Variants in ERC1 observed in about 807,000 individuals in gnomAD.
The protein encoded by ERC1 is ELKS/RAB6-interacting/CAST family member 1.
Under a neutral mutation model 132.0 loss-of-function variants are expected in ERC1, and 56 were observed. That is an observed-to-expected ratio of 0.42 (90% CI 0.34 to 0.53). The LOEUF (loss-of-function observed/expected upper bound fraction) is 0.53. Among genes scored for constraint, ERC1 ranks in the 20% least tolerant of loss-of-function variants. The pLI is 0.03. For synonymous variants in ERC1, 478 were observed against 476.1 expected, an observed-to-expected ratio of 1.00 and a Z score of -0.05; for missense variants, 1,202 against 1,349.9, an observed-to-expected ratio of 0.89 and a Z score of 1.72.
chr12:1,101,084 G>A (rs2154197586), intron 3 of ERC1, among the ~76,000 whole-genome samples: 2 of 152,232 alleles, frequency 1.3e-5, no homozygotes, highest in Admixed American at 1.3e-4. Context: ...ATGGGTGCTA[G>A]CAATGTGGAG....
intron 2 of ERC1, among the ~76,000 whole-genome samples, chr12:1,050,759 A>G (rs554889512): frequency 6.6e-6 from 1 of 152,204 alleles, no homozygotes; most frequent in South Asian, 2.1e-4. Flanking sequence ...CAGGCCGAGC[A>G]CTTTGGGAGG....
intron 3 of ERC1, among the ~76,000 whole-genome samples, chr12:1,103,361 T>G (rs1279642888): frequency 2.6e-5 from 4 of 152,118 alleles, no homozygotes; most frequent in Non-Finnish European, 5.9e-5. Context: ...GGGCTCTAGT[T>G]GGAGTCGAAT....
At chr12:1,204,499 A>G in intron 12 of ERC1, 3 of 1,589,682 alleles carry the variant, frequency 1.9e-6, no homozygotes, top group Non-Finnish European at 2.6e-6. Context: ...TGTTTCCTTC[A>G]GTCTCACCTC....
At chr12:1,227,240 CCCA>C (rs772530437) in intron 12 of ERC1, among the ~76,000 whole-genome samples, 1 of 152,196 alleles carries the variant, frequency 6.6e-6, no homozygotes, top group Non-Finnish European at 1.5e-5. Context: ...AGTTTACACT[CCCA>C]CCAACAGTGT....
chr12:1,127,448 A>G (rs1032538387), intron 7 of ERC1, among the ~76,000 whole-genome samples: 2 of 152,200 alleles, frequency 1.3e-5, no homozygotes, highest in African/African-American at 4.8e-5. Context: ...AATACTGTAC[A>G]AAAGTCAAAA....
chr12:1,265,625 C>T (rs1566430817), intron 14 of ERC1, among the ~76,000 whole-genome samples: 1 of 152,126 alleles, frequency 6.6e-6, no homozygotes, highest in East Asian at 1.9e-4. Context: ...ACGCACAGTC[C>T]CGTGAGTTTT....
At chr12:1,278,836 C>T (rs1321294868) in intron 14 of ERC1, among the ~76,000 whole-genome samples, 1 of 152,014 alleles carries the variant, frequency 6.6e-6, no homozygotes, top group Admixed American at 6.6e-5. Flanking sequence ...AGAGTGCTAA[C>T]AATCAAGGGA....
intron 1 of ERC1, among the ~76,000 whole-genome samples, chr12:997,452 T>C (rs1295540689): frequency 6.6e-6 from 1 of 152,212 alleles, no homozygotes; most frequent in East Asian, 1.9e-4. Flanking sequence ...ATTCACAAGT[T>C]GAATACCCAG....
intron 14 of ERC1, among the ~76,000 whole-genome samples, chr12:1,289,159 T>G (rs1040732193): frequency 1.4e-5 from 2 of 145,718 alleles, no homozygotes; most frequent in Non-Finnish European, 3.0e-5. Flanking sequence ...AGGGATATAT[T>G]TCCTTCCTGC....
chr12:1,402,455 G>A (rs568997572), intron 16 of ERC1, among the ~76,000 whole-genome samples: 22 of 151,164 alleles, frequency 1.5e-4, no homozygotes, highest in African/African-American at 2.4e-4. Flanking sequence ...GCTTGAACCC[G>A]GAGGTTGTAG....
At chr12:1,008,148 A>T (rs759873216) in intron 1 of ERC1, among the ~76,000 whole-genome samples, 3 of 152,234 alleles carry the variant, frequency 2.0e-5, no homozygotes, top group African/African-American at 7.2e-5. Context: ...ACCATCACCC[A>T]GTCATCAGGT....
intron 12 of ERC1, among the ~76,000 whole-genome samples, chr12:1,207,062 G>GC (rs1957411175): frequency 6.6e-6 from 1 of 151,982 alleles, no homozygotes; most frequent in South Asian, 2.1e-4. Context: ...TTTATACTTT[G>GC]CCCCCCAAAA....
chr12:1,290,071 T>C lies in ERC1; in HGVS notation c.2780+59T>C, dbSNP rs879320612. The C allele has an allele frequency of 1.7e-5, 24 of 1,443,272 alleles. 1 individual carries two copies. In the Middle Eastern group the frequency reaches 6.0e-4, roughly 36 times the overall value. 89.4% of individuals were successfully genotyped at this position (1,443,272 alleles called of 1,614,324 possible). Reference sequence around the variant, plus strand: ...GCTTAGTGGAAATACTTTTTCTCCCTGCATTCATCTTCTGGCTCTGTGTTT... The same window carrying C: ...GCTTAGTGGAAATACTTTTTCTCCCCGCATTCATCTTCTGGCTCTGTGTTT... On this transcript the variant is annotated intron_variant, in intron 15 of 18. Transcript: ENST00000360905.
chr12:1,345,064 C>T (rs2154363839), intron 15 of ERC1, among the ~76,000 whole-genome samples: 1 of 152,182 alleles, frequency 6.6e-6, no homozygotes, highest in East Asian at 1.9e-4. Context: ...AAGCAGGATT[C>T]CTGTCATATT....
intron 16 of ERC1, among the ~76,000 whole-genome samples, chr12:1,382,289 GGAGT>G (rs1201514808): frequency 2.0e-5 from 3 of 152,186 alleles, no homozygotes; most frequent in African/African-American, 7.2e-5. Context: ...ATAAATAAAA[GGAGT>G]GAGTGGTTTA....
At chr12:1,383,470 A>G (rs1056843275) in intron 16 of ERC1, among the ~76,000 whole-genome samples, 1 of 152,214 alleles carries the variant, frequency 6.6e-6, no homozygotes, top group Non-Finnish European at 1.5e-5. Context: ...GATACTCATT[A>G]AAAGCAAATG....
intron 1 of ERC1, among the ~76,000 whole-genome samples, chr12:1,001,606 G>T (rs1192781662): frequency 6.6e-6 from 1 of 151,864 alleles, no homozygotes; most frequent in East Asian, 1.9e-4. Context: ...TTTTAGTTTT[G>T]GCTTAGTTTT....
intron 17 of ERC1, among the ~76,000 whole-genome samples, chr12:1,422,983 C>T (rs540639215): frequency 6.6e-6 from 1 of 152,156 alleles, no homozygotes; most frequent in South Asian, 2.1e-4. Flanking sequence ...GTACCTATTT[C>T]AAACTCAGCG....
intron 2 of ERC1, among the ~76,000 whole-genome samples, chr12:1,039,585 AGTGAACCATG>A (rs1969823744): frequency 6.6e-6 from 1 of 152,052 alleles, no homozygotes; most frequent in South Asian, 2.1e-4. Flanking sequence ...AGAAGAATAC[AGTGAACCATG>A]GTATTGAGAT....
Sources: allele counts gnomAD v4.1 joint callset (sites outside exome capture counted in the v4.1 genomes callset), GRCh38; gene constraint gnomAD v4.1.1; transcripts MANE v1.5; gene names NCBI Gene and HGNC (gene_info 2026-07-23, HGNC 2026-07-21).